The following PASK variants were observed in gnomAD, a reference collection of about 807,000 sequenced individuals.
PASK encodes the protein PAS domain containing serine/threonine kinase, also known as PAS domain-containing serine/threonine-protein kinase.
A neutral mutation model predicts 121.0 loss-of-function variants in PASK; 110 were observed. That is an observed-to-expected ratio of 0.91 (90% CI 0.78 to 1.06). The LOEUF is 1.06. PASK is among the 50% of genes least tolerant of loss of function. The pLI is 0.00. For missense variants in PASK, 1,643 were observed against 1,702.3 expected (o/e 0.97, Z 0.61); for synonymous variants, 686 against 717.8 (o/e 0.96, Z 0.71).
Position 241,115,072 on chromosome 2 carries a change from C to A in PASK, c.3304G>T (p.Glu1102Ter), listed in dbSNP as rs2065271787. ...AFIDRHPRLD[E>*]PLASYIFRQL... ...CGGAAGATGTAGCTCGCCAGGGGCTCATCCAGCCTGGGGTGGCGGTCGATG... is the reference window on the plus strand; with the variant it reads ...CGGAAGATGTAGCTCGCCAGGGGCTAATCCAGCCTGGGGTGGCGGTCGATG... Residue 1102 changes from glutamate to a stop codon, truncating the protein, a stop_gained, in exon 14 of 18, where the codon GAG becomes TAG. Transcript: ENST00000234040. LOFTEE classifies it high-confidence loss of function. The A allele has an allele frequency of 6.2e-7, 1 of 1,613,998 alleles. No individual in the cohort carries two copies. Among genetic ancestry groups the A allele is most frequent in the Non-Finnish European group, 8.5e-7 (1 of 1,179,998 alleles).
At chr2:241,149,351 C>T (rs1340402781) in intron 1 of PASK, 63 bp downstream of exon 1, 3 of 308,770 alleles carry the variant, frequency 9.7e-6, no homozygotes, top group Non-Finnish European at 1.8e-5. Context: ...GCCGCGCAGG[C>T]CCCACAGCCG....
intron 14 of PASK, among the ~76,000 whole-genome samples, chr2:241,113,003 T>C (rs995977769): frequency 2.9e-4 from 44 of 152,312 alleles, no homozygotes; most frequent in African/African-American, 1.1e-3. Context: ...TTTCCCCAAA[T>C]GTGTGGCTAC....
intron 1 of PASK, among the ~76,000 whole-genome samples, chr2:241,148,519 A>G (rs1196006550): frequency 5.3e-5 from 8 of 152,192 alleles, no homozygotes; most frequent in Non-Finnish European, 1.0e-4. Flanking sequence ...AGCCTCCCAG[A>G]GAGGAGTTCA....
In PASK at chr2:241,108,425, G is replaced by A. The variant is rs2064976395; in HGVS notation, c.3534-125C>T. 1.1e-6 allele frequency: 1 copy of A among 940,842 alleles called. No homozygotes were observed. Among genetic ancestry groups the A allele is most frequent in the East Asian group, 2.6e-5 (1 of 38,970 alleles). The allele number at this position is 940,842 out of a possible 1,614,324, so 58.3% of individuals were successfully genotyped here. On this transcript the variant is annotated intron_variant, in intron 15 of 17. Transcript: ENST00000234040. The surrounding 1 kb of genome is among the most constrained non-coding windows in gnomAD (Gnocchi z 5.2). Reference sequence around the variant, plus strand: ...GCCAGGCAGTGGTTTCCCAAGAGGAGGGTCACTCCACCCCTCAAACACGCC... The same window carrying A: ...GCCAGGCAGTGGTTTCCCAAGAGGAAGGTCACTCCACCCCTCAAACACGCC...
chr2:241,115,287 C>T lies in PASK; in HGVS notation c.3198+1G>A, dbSNP rs1007757471. The T allele has an allele frequency of 3.1e-6, 5 of 1,613,900 alleles. No individual in the cohort carries two copies. Among genetic ancestry groups the T allele is most frequent in the African/African-American group, 1.3e-5 (1 of 74,872 alleles). On this transcript the variant is annotated splice_donor_variant, in intron 13 of 17. Coordinates refer to ENST00000234040, the MANE Select transcript of PASK (RefSeq NM_015148.4). LOFTEE classifies it high-confidence loss of function. Reference sequence around the variant, plus strand: ...GGTATCTCTGAAGAGGAAACCATCACCTTGATGATATTGGCGTGCTCCACC... The same window carrying T: ...GGTATCTCTGAAGAGGAAACCATCATCTTGATGATATTGGCGTGCTCCACC...
At position 241,108,374 on chromosome 2, in the gene PASK, C is replaced by A; in HGVS notation, c.3534-74G>T. 6.7e-7 allele frequency: 1 copy of A among 1,501,094 alleles called. No individual in the cohort carries two copies. The allele number at this position is 1,501,094 out of a possible 1,614,324, so 93.0% of individuals were successfully genotyped here. On this transcript the variant is annotated intron_variant, in intron 15 of 17. Coordinates refer to ENST00000234040, the MANE Select transcript of PASK (RefSeq NM_015148.4). The surrounding 1 kb of genome is among the most constrained non-coding windows in gnomAD (Gnocchi z 5.2). ...TGCCAAGCCCGCCCATGGGAAGCACCATGGCCCTTCCCGACCAGCACACAG... is the reference window on the plus strand; with the variant it reads ...TGCCAAGCCCGCCCATGGGAAGCACAATGGCCCTTCCCGACCAGCACACAG...
chr2:241,122,855 C>T lies in PASK; in HGVS notation c.2949G>A (p.Val983=). 3 of 1,614,244 alleles carry T rather than the reference C, an allele frequency of 1.9e-6. No individual in the cohort carries two copies. The highest frequency in any genetic ancestry group is 8.5e-7 in the Non-Finnish European group (1 of 1,180,038). The change falls in exon 12 of 18, where the codon GTG becomes GTA. Residue 983 remains valine, a synonymous_variant. Transcript: ENST00000234040. Reference sequence around the variant, plus strand: ...CACAGGCCGCCAACCCCTCCAGTTCCACAGCCTTGGGGGGCTCCTCAAACC... The same window carrying T: ...CACAGGCCGCCAACCCCTCCAGTTCTACAGCCTTGGGGGGCTCCTCAAACC... ...RPWFEEPPKA[V]ELEGLAACEG...
In PASK at chr2:241,106,320, A is replaced by AT. The variant is rs1181249452; in HGVS notation, c.*245dup. 3 of 555,458 alleles carry AT rather than the reference A, an allele frequency of 5.4e-6. No homozygotes were observed. The highest frequency in any genetic ancestry group is 6.4e-6 in the Non-Finnish European group (2 of 311,164). The allele number at this position is 555,458 out of a possible 1,614,324, so 34.4% of individuals were successfully genotyped here. A position where few individuals can be genotyped will look rare whatever the true frequency, so the allele number is the denominator to read the frequency against. On this transcript the variant is annotated 3_prime_UTR_variant, in exon 18 of 18. Transcript: ENST00000234040. ...TTCACAAATTAAAAGCCCTTTAATA[A>AT]TATAAAACAGTTGAACACTGGAATG...
Position 241,127,438 on chromosome 2 carries a change from G to A in PASK, c.1477C>T (p.Pro493Ser), listed in dbSNP as rs1456400954. ...PQPAPGVDNV[P>S]EGSLPVHGEQ... ...CCGTGCACTGGCAGGCTTCCTTCTG[G>A]GACATTGTCCACCCTGGGGATAATG... The change falls in exon 10 of 18, where the codon CCA (proline) becomes TCA (serine). Residue 493 changes from proline to serine, a missense_variant. Pro to Ser is a moderately conservative substitution (Grantham distance 74). Transcript: ENST00000234040. 1.2e-6 allele frequency: 2 copies of A among 1,613,794 alleles called. No individual in the cohort carries two copies. The highest frequency in any genetic ancestry group is 1.7e-6 in the Non-Finnish European group (2 of 1,179,796).
chr2:241,141,558 G>C (rs533857546), intron 2 of PASK, among the ~76,000 whole-genome samples: 2 of 152,142 alleles, frequency 1.3e-5, no homozygotes, highest in South Asian at 2.1e-4. Flanking sequence ...CCACCTCTCA[G>C]TGACCCTGGC....
chr2:241,107,410 G>A lies in PASK; in HGVS notation c.3757C>T (p.Gln1253Ter), dbSNP rs776137664. ...EKLVTDPWVT[Q>*]PVNLADYTWE... Reference sequence around the variant, plus strand: ...GTATAGTCAGCAAGATTCACAGGCTGTGTTACCCACGGGTCTGTCACCAGC... The same window carrying A: ...GTATAGTCAGCAAGATTCACAGGCTATGTTACCCACGGGTCTGTCACCAGC... The change falls in exon 17 of 18, where the codon CAG (glutamine) becomes TAG (stop). Residue 1253 changes from glutamine (Q) to a stop codon, truncating the protein, a stop_gained. Coordinates refer to ENST00000234040, the MANE Select transcript of PASK (RefSeq NM_015148.4). LOFTEE classifies it high-confidence loss of function. 3 of 1,613,974 alleles carry A rather than the reference G, an allele frequency of 1.9e-6. No individual in the cohort carries two copies. Among genetic ancestry groups the A allele is most frequent in the Non-Finnish European group, 2.5e-6 (3 of 1,179,810 alleles).
Position 241,112,493 on chromosome 2 carries a change from T to C in PASK, c.3334-54A>G, listed in dbSNP as rs1175303107. On this transcript the variant is annotated intron_variant, in intron 14 of 17. Coordinates refer to ENST00000234040, the MANE Select transcript of PASK (RefSeq NM_015148.4). This position sits in a 1 kb window ranked among gnomAD's most constrained non-coding sequence, Gnocchi z 5.2. Reference sequence around the variant, plus strand: ...TTAAAAAAGCAATTCAACTAAAATATGCATTTAAAATAAACTGGAACAAAA... The same window carrying C: ...TTAAAAAAGCAATTCAACTAAAATACGCATTTAAAATAAACTGGAACAAAA... 1.7e-6 allele frequency: 2 copies of C among 1,159,806 alleles called. No individual in the cohort carries two copies. Among genetic ancestry groups the C allele is most frequent in the Non-Finnish European group, 1.3e-6 (1 of 793,688 alleles). 71.8% of individuals were successfully genotyped at this position (1,159,806 alleles called of 1,614,324 possible).
Position 241,137,271 on chromosome 2 carries a change from G to T in PASK, c.877-7C>A, listed in dbSNP as rs1203111416. On this transcript the variant is annotated splice_polypyrimidine_tract_variant and splice_region_variant and intron_variant, in intron 6 of 17. Coordinates refer to ENST00000234040, the MANE Select transcript of PASK (RefSeq NM_015148.4). ...ACCTCTGAATCTTGAGATTCTGAAA[G>T]AAAGGCTTGTCGTTTGGCTTAAGCC... 1.2e-6 allele frequency: 2 copies of T among 1,612,626 alleles called. No homozygotes were observed. Among genetic ancestry groups the T allele is most frequent in the Non-Finnish European group, 1.7e-6 (2 of 1,178,646 alleles).
chr2:241,113,888 T>C (rs186488258), intron 14 of PASK: 2 of 985,034 alleles, frequency 2.0e-6, no homozygotes, highest in Admixed American at 1.2e-4. Flanking sequence ...GATTCCTACA[T>C]ACATTGATGT....
At position 241,115,053 on chromosome 2, in the gene PASK, A is replaced by T; in HGVS notation, c.3323T>A (p.Ile1108Asn). ...PRLDEPLASY[I>N]FRQLVSAVGY... ...CTGGCCTGCTCTCACTTGTCGGAAG[A>T]TGTAGCTCGCCAGGGGCTCATCCAG... The change falls in exon 14 of 18, where the codon ATC becomes AAC. Residue 1108 changes from isoleucine (I) to asparagine (N), a missense_variant. Physicochemically the swap from Ile to Asn is moderately radical, Grantham distance 149 (BLOSUM62 -3). Around this residue, in one of 3 missense-constraint regions of PASK, gnomAD observed 453 missense variants for 511.2 expected, o/e 0.89. Transcript: ENST00000234040. 6.2e-7 allele frequency: 1 copy of T among 1,614,124 alleles called. No individual in the cohort carries two copies. The highest frequency in any genetic ancestry group is 8.5e-7 in the Non-Finnish European group (1 of 1,180,008).
chr2:241,149,601 G>T, upstream of PASK: 1 of 1,510,080 alleles, frequency 6.6e-7, no homozygotes. Context: ...GGTTGCTAGG[G>T]ACGCACCAAA....
upstream of PASK, chr2:241,150,092 A>G: frequency 2.4e-6 from 3 of 1,265,324 alleles, no homozygotes; most frequent in Non-Finnish European, 3.0e-6. Flanking sequence ...CAGCCACGGA[A>G]AGATCCGCCT....
At chr2:241,127,836 C>T (rs569492829) in intron 9 of PASK, 27 of 348,806 alleles carry the variant, frequency 7.7e-5, no homozygotes, top group Non-Finnish European at 1.1e-4. Context: ...TGAGAGGAAA[C>T]GAGAGAGAGA....
intron 5 of PASK, 44 bp downstream of exon 5, chr2:241,138,610 C>T (rs759033633): frequency 7.5e-6 from 12 of 1,609,198 alleles, no homozygotes; most frequent in Admixed American, 3.3e-5. Context: ...AGAACGACGC[C>T]GGCTCCAGCG....
Sources: allele counts gnomAD v4.1 joint callset (sites outside exome capture counted in the v4.1 genomes callset), GRCh38; gene constraint gnomAD v4.1.1; regional missense constraint gnomAD v4.1.1; non-coding constraint Gnocchi (gnomAD v3.1); transcripts MANE v1.5; gene names NCBI Gene and HGNC (gene_info 2026-07-23, HGNC 2026-07-21).